Variants in GLUD1 observed in about 807,000 individuals in gnomAD.
GLUD1 encodes glutamate dehydrogenase 1, mitochondrial.
GLUD1 carries 22 observed loss-of-function variants against 56.0 expected under a neutral mutation model. The observed-to-expected ratio is 0.39, with a 90% CI of 0.28 to 0.56. The LOEUF is 0.56. Among genes scored for constraint, GLUD1 ranks in the 20% least tolerant of loss-of-function variants. The pLI is 0.58. For missense variants in GLUD1, 451 were observed against 732.0 expected, an observed-to-expected ratio of 0.62 and a Z score of 4.43; for synonymous variants, 223 against 269.9, an observed-to-expected ratio of 0.83 and a Z score of 1.70.
intron 1 of GLUD1, among the ~76,000 whole-genome samples, chr10:87,083,639 A>G (rs2133847264): frequency 6.6e-6 from 1 of 152,336 alleles, no homozygotes; most frequent in Admixed American, 6.5e-5. Context: ...GGAGGAAGGA[A>G]GAGATGTTTT....
Position 87,094,747 on chromosome 10 carries a change from G to A in GLUD1, c.23C>T (p.Ala8Val), listed in dbSNP as rs772562154. ...GGGCCCGGCCCGGGACAGCAACAGC[G>A]CTTCGCCCAGGTAGCGGTACATGGC... The part of the protein sequence containing the change: MYRYLGE[A>V]LLLSRAGPAA... The change falls in exon 1 of 13, where the codon GCG becomes GTG. Residue 8 changes from alanine to valine, a missense_variant. Coordinates refer to ENST00000277865, the MANE Select transcript of GLUD1 (RefSeq NM_005271.5). This position sits in a 1 kb window ranked among gnomAD's most constrained non-coding sequence, Gnocchi z 6.6. 7 of 1,533,328 alleles carry A rather than the reference G, an allele frequency of 4.6e-6. No homozygotes were observed. The highest frequency in any genetic ancestry group is 6.1e-6 in the Non-Finnish European group (7 of 1,138,370). The allele number at this position is 1,533,328 out of a possible 1,614,324, so 95.0% of individuals were successfully genotyped here.
Position 87,050,317 on chromosome 10 carries a change from A to G in GLUD1, c.*1434T>C, listed in dbSNP as rs1429576849. On this transcript the variant is annotated 3_prime_UTR_variant, in exon 13 of 13. Coordinates refer to ENST00000277865, the MANE Select transcript of GLUD1 (RefSeq NM_005271.5). ...GTTTCTCTGAACGTGTAAAGCACCG[A>G]ACAAAAAAAAAAAAAACAATTCAAG... Among the ~76,000 whole-genome samples the G allele has an allele frequency of 6.7e-6, 1 of 149,162 alleles. No homozygotes were observed. The highest frequency in any genetic ancestry group is 1.5e-5 in the Non-Finnish European group (1 of 67,790).
At position 87,060,215 on chromosome 10, in the gene GLUD1, T is replaced by C. The variant is rs758374060; in HGVS notation, c.1224A>G (p.Pro408=). 2 of 1,611,792 alleles carry C rather than the reference T, an allele frequency of 1.2e-6. No individual in the cohort carries two copies. Among genetic ancestry groups the C allele is most frequent in the South Asian group, 2.2e-5 (2 of 91,030 alleles). ...AKIIAEGANG[P]TTPEADKIFL... is the part of the protein sequence containing the mutation. ...AGATCTTGTCAGCTTCTGGAGTTGT[T>C]GGCCCATTGGCACCTTCAGCAATGA... Residue 408 remains proline (P), a synonymous_variant, in exon 9 of 13, where the codon CCA becomes CCG. Transcript: ENST00000277865.
At chr10:87,058,271 C>T (rs1455754045) in intron 10 of GLUD1, among the ~76,000 whole-genome samples, 1 of 152,210 alleles carries the variant, frequency 6.6e-6, no homozygotes, top group East Asian at 1.9e-4. Flanking sequence ...ATTTAGGTCA[C>T]TGCTCTGTTT....
At chr10:87,054,048 T>G (rs1454446297) in intron 11 of GLUD1, among the ~76,000 whole-genome samples, 1 of 152,180 alleles carries the variant, frequency 6.6e-6, no homozygotes, top group Non-Finnish European at 1.5e-5. Context: ...TCCTAATTTG[T>G]TTCTTGGAAT....
intron 1 of GLUD1, among the ~76,000 whole-genome samples, chr10:87,080,970 G>T (rs1290702980): frequency 1.4e-5 from 2 of 140,000 alleles, no homozygotes; most frequent in South Asian, 2.3e-4. Flanking sequence ...AGAGGGAGGT[G>T]GGGGGGTCAG....
chr10:87,063,372 A>G (rs960120351), intron 5 of GLUD1, among the ~76,000 whole-genome samples: 1 of 152,092 alleles, frequency 6.6e-6, no homozygotes, highest in African/African-American at 2.4e-5. Context: ...CACGCCCGGC[A>G]AAGTAGACCA....
At chr10:87,093,114 T>G (rs1379445252) in intron 1 of GLUD1, among the ~76,000 whole-genome samples, 1 of 152,126 alleles carries the variant, frequency 6.6e-6, no homozygotes, top group Non-Finnish European at 1.5e-5. Flanking sequence ...AAAACAACCT[T>G]TGTCCCCCCT....
At chr10:87,057,350 A>G (rs1589354709) in intron 11 of GLUD1, among the ~76,000 whole-genome samples, 1 of 151,558 alleles carries the variant, frequency 6.6e-6, no homozygotes, top group African/African-American at 2.4e-5. Context: ...TTGGTCTCAA[A>G]CTCTTGGACT....
chr10:87,062,806 A>C lies in GLUD1; in HGVS notation c.771T>G (p.Gly257=), dbSNP rs144831842. The C allele has an allele frequency of 5.6e-6, 9 of 1,614,058 alleles. No individual in the cohort carries two copies. The highest frequency in any genetic ancestry group is 5.9e-6 in the Non-Finnish European group (7 of 1,180,008). The change falls in exon 6 of 13, where the codon GGT becomes GGG. Residue 257 remains glycine, a synonymous_variant. Coordinates refer to ENST00000277865, the MANE Select transcript of GLUD1 (RefSeq NM_005271.5). ...GGATTCCCCCTTGGCTGATGGGTTTACCAGTAACACAGGCGTGTGCATTAA... is the reference window on the plus strand; with the variant it reads ...GGATTCCCCCTTGGCTGATGGGTTTCCCAGTAACACAGGCGTGTGCATTAA... ...YDINAHACVT[G]KPISQGGIHG...
At chr10:87,089,626 T>C (rs1841466002) in intron 1 of GLUD1, 2 of 985,200 alleles carry the variant, frequency 2.0e-6, no homozygotes, top group Non-Finnish European at 2.4e-6. Flanking sequence ...CTTCTAGGTG[T>C]AGTTGCCTTT....
At chr10:87,064,271 A>G (rs1846017887) in intron 5 of GLUD1, among the ~76,000 whole-genome samples, 1 of 152,214 alleles carries the variant, frequency 6.6e-6, no homozygotes, top group South Asian at 2.1e-4. Context: ...AACAGGTGTA[A>G]TTAGAAAAAA....
intron 1 of GLUD1, among the ~76,000 whole-genome samples, chr10:87,084,629 C>T (rs369487555): frequency 6.6e-6 from 1 of 152,108 alleles, no homozygotes; most frequent in East Asian, 1.9e-4. Flanking sequence ...TATGAAAATT[C>T]AAGTGGTTTT....
intron 5 of GLUD1, among the ~76,000 whole-genome samples, chr10:87,064,564 C>G (rs1403168851): frequency 6.6e-6 from 1 of 152,200 alleles, no homozygotes; most frequent in Non-Finnish European, 1.5e-5. Flanking sequence ...CCCTAACATT[C>G]CAGCTGGCTG....
At chr10:87,090,055 A>G (rs1387093886) in intron 1 of GLUD1, among the ~76,000 whole-genome samples, 1 of 152,228 alleles carries the variant, frequency 6.6e-6, no homozygotes, top group Non-Finnish European at 1.5e-5. Context: ...CTTACATTGT[A>G]AAAGCCTAAT....
Position 87,060,447 on chromosome 10 carries a change from G to T in GLUD1, c.1198-206C>A, listed in dbSNP as rs1326135936. The T allele has an allele frequency of 4.5e-4, 243 of 536,054 alleles. 2 individuals carry two copies. Among genetic ancestry groups the T allele is most frequent in the African/African-American group, 3.2e-3 (161 of 49,656 alleles). 33.2% of individuals were successfully genotyped at this position (536,054 alleles called of 1,614,324 possible). On this transcript the variant is annotated intron_variant, in intron 8 of 12. Coordinates refer to ENST00000277865, the MANE Select transcript of GLUD1 (RefSeq NM_005271.5). ...ATCTAGGTTTTTTTTTTGTTTGCTT[G>T]TTTTTTTTTTTTACAGGAGTGTCAG...
intron 10 of GLUD1, among the ~76,000 whole-genome samples, chr10:87,058,049 TAGTAGAGAC>T (rs1400469593): frequency 3.3e-5 from 5 of 152,260 alleles, no homozygotes; most frequent in South Asian, 2.1e-4. Flanking sequence ...TTTGTATTTT[TAGTAGAGAC>T]GGGGTTTCAC....
intron 5 of GLUD1, chr10:87,067,627 A>G (rs1285470736): frequency 5.3e-6 from 1 of 189,474 alleles, no homozygotes; most frequent in Non-Finnish European, 1.1e-5. Context: ...CTAAATGTTC[A>G]TATTCTACCC....
chr10:87,067,480 C>A (rs1446755058), intron 5 of GLUD1, among the ~76,000 whole-genome samples: 1 of 152,210 alleles, frequency 6.6e-6, no homozygotes, highest in Middle Eastern at 3.2e-3. Context: ...CCTGCCTTGG[C>A]CACCCAAAGT....
Sources: gnomAD v4.1 joint callset for allele counts (sites outside exome capture counted in the v4.1 genomes callset) on GRCh38, gnomAD v4.1.1 for gene constraint, Gnocchi (gnomAD v3.1) non-coding constraint, MANE v1.5 for transcripts, NCBI Gene and HGNC (gene_info 2026-07-23, HGNC 2026-07-21) for gene names.